KCNH1: variants seen among roughly 807,000 people sequenced by gnomAD.
KCNH1 encodes voltage-gated delayed rectifier potassium channel KCNH1.
Under a neutral mutation model 69.2 loss-of-function variants are expected in KCNH1, and 27 were observed. That is an observed-to-expected ratio of 0.39 (90% confidence interval 0.29 to 0.54). The LOEUF is 0.54. KCNH1 is among the 20% of genes least tolerant of loss of function. KCNH1 has a pLI of 0.68. For missense variants in KCNH1, 798 were observed against 1,261.6 expected (o/e 0.63, Z 5.57); for synonymous variants, 456 against 487.7 (o/e 0.93, Z 0.86).
intron 9 of KCNH1, among the ~76,000 whole-genome samples, chr1:210,776,284 G>A (rs1122901): frequency 0.18 from 26,910 of 151,952 alleles, 2,598 homozygotes; most frequent in African/African-American, 0.25. Flanking sequence ...CTTGCTAAAT[G>A]TCCTCCTGGT....
At chr1:211,075,916 A>C (rs2102461486) in intron 5 of KCNH1, among the ~76,000 whole-genome samples, 1 of 152,358 alleles carries the variant, frequency 6.6e-6, no homozygotes, top group Non-Finnish European at 1.5e-5. Context: ...CAAATAGCAC[A>C]CCAGGAGATT....
At chr1:210,759,182 T>TTA (rs746344046) in intron 10 of KCNH1, among the ~76,000 whole-genome samples, 138 of 104,886 alleles carry the variant, frequency 1.3e-3, no homozygotes, top group African/African-American at 3.5e-3. Context: ...CACACATATT[T>TTA]TATATATATA....
At chr1:210,943,461 G>T (rs537196282) in intron 6 of KCNH1, among the ~76,000 whole-genome samples, 1 of 152,138 alleles carries the variant, frequency 6.6e-6, no homozygotes, top group South Asian at 2.1e-4. Context: ...CCAATCTCCT[G>T]CCTCAGTCTC....
chr1:211,027,339 C>T lies in KCNH1; in HGVS notation c.559-8083G>A, dbSNP rs552917375. ...AGCAAAATGAGGCCAGGCTCAGTGG[C>T]TCATGTCTCTAATCCTAACATTTTG... On this transcript the variant is annotated intron_variant, in intron 5 of 10. Transcript: ENST00000271751. Among the ~76,000 whole-genome samples, 7 of 152,296 alleles carry T rather than the reference C, an allele frequency of 4.6e-5. No individual in the cohort carries two copies. The South Asian group carries it at 1.5e-3, about 32-fold the overall frequency.
intron 7 of KCNH1, among the ~76,000 whole-genome samples, chr1:210,808,892 G>C (rs543641804): frequency 1.3e-5 from 2 of 152,174 alleles, no homozygotes; most frequent in Admixed American, 1.3e-4. Context: ...TAACACCACT[G>C]TCAGGAAACT....
rs187760071 is a variant in KCNH1, at chr1:210,685,356, C to T, written c.2113-1218G>A. On this transcript the variant is annotated intron_variant, in intron 10 of 10. Coordinates refer to ENST00000271751, the MANE Select transcript of KCNH1 (RefSeq NM_172362.3). ...AGGAGAGGCCTGCGGTAAGGGAGAA[C>T]AGCAGCTTTCTCATCATCCAATCTG... is the stretch of plus-strand genomic sequence containing the variant. 3.9e-5 allele frequency among the ~76,000 whole-genome samples: 6 copies of T among 152,272 alleles called. No homozygotes were observed. The East Asian group carries it at 1.2e-3, about 29-fold the overall frequency.
intron 5 of KCNH1, among the ~76,000 whole-genome samples, chr1:211,035,459 G>A (rs952738198): frequency 2.0e-5 from 3 of 150,854 alleles, no homozygotes; most frequent in East Asian, 1.9e-4. Flanking sequence ...CGTTTTAGCC[G>A]GGATGGTCTC....
At chr1:210,965,455 A>G (rs1205221495) in intron 6 of KCNH1, among the ~76,000 whole-genome samples, 1 of 151,856 alleles carries the variant, frequency 6.6e-6, no homozygotes, top group Admixed American at 6.6e-5. Flanking sequence ...TTCTTCACAG[A>G]ATTAGAAAAA....
At chr1:210,843,424 T>G (rs1022955975) in intron 7 of KCNH1, among the ~76,000 whole-genome samples, 3 of 152,194 alleles carry the variant, frequency 2.0e-5, no homozygotes, top group African/African-American at 7.2e-5. Context: ...GCAGGCTATT[T>G]GACAAATGTT....
rs71134652 is a variant in KCNH1, at chr1:211,045,041, GAT to G, written c.559-25787_559-25786del. Among the ~76,000 whole-genome samples, 41 of 81,544 alleles carry G rather than the reference GAT, an allele frequency of 5.0e-4. 1 individual carries two copies. The highest frequency in any genetic ancestry group is 3.0e-3 in the South Asian group (6 of 2,014). 53.5% of individuals were successfully genotyped at this position (81,544 alleles called of 152,430 possible). On this transcript the variant is annotated intron_variant, in intron 5 of 10. Transcript: ENST00000271751. ...ATCAATGTGTGGATAAATTGTGGGG[GAT>G]ATATATATATATATATGAATAATAG...
intron 10 of KCNH1, among the ~76,000 whole-genome samples, chr1:210,693,799 G>T (rs909135616): frequency 6.6e-6 from 1 of 152,136 alleles, no homozygotes; most frequent in Non-Finnish European, 1.5e-5. Flanking sequence ...ACCTGCACTA[G>T]GTCCCTGAGG....
intron 10 of KCNH1, among the ~76,000 whole-genome samples, chr1:210,723,909 A>G (rs376939559): frequency 6.5e-4 from 99 of 152,046 alleles, no homozygotes; most frequent in Non-Finnish European, 1.0e-3. Flanking sequence ...TGAGATGAGC[A>G]CTCCTTATCA....
chr1:210,824,559 G>A (rs1254793846), intron 7 of KCNH1, among the ~76,000 whole-genome samples: 1 of 152,114 alleles, frequency 6.6e-6, no homozygotes, highest in African/African-American at 2.4e-5. Flanking sequence ...ATGACAACTA[G>A]ATTCTTATAC....
chr1:210,882,130 T>C (rs925599246), intron 7 of KCNH1, among the ~76,000 whole-genome samples: 5 of 152,078 alleles, frequency 3.3e-5, no homozygotes, highest in African/African-American at 1.2e-4. Context: ...TGGGTGGGGG[T>C]AAGAGATACA....
At chr1:210,710,455 A>C (rs1209347682) in intron 10 of KCNH1, among the ~76,000 whole-genome samples, 1 of 152,218 alleles carries the variant, frequency 6.6e-6, no homozygotes, top group Non-Finnish European at 1.5e-5. Flanking sequence ...AGAGATGTGC[A>C]TTTAGGCTAC....
Position 210,984,485 on chromosome 1 carries a change from C to G in KCNH1, c.1032+34298G>C, listed in dbSNP as rs933832572. On this transcript the variant is annotated intron_variant, in intron 6 of 10. Coordinates refer to ENST00000271751, the MANE Select transcript of KCNH1 (RefSeq NM_172362.3). Reference sequence around the variant, plus strand: ...TTTATTGAGAGATTTTAGCATGAAGCGTTGTTGAATTTTGTCAAAGGTCTT... The same window carrying G: ...TTTATTGAGAGATTTTAGCATGAAGGGTTGTTGAATTTTGTCAAAGGTCTT... Among the ~76,000 whole-genome samples, 17 of 152,056 alleles carry G rather than the reference C, an allele frequency of 1.1e-4. 2 individuals carry two copies. Among genetic ancestry groups the G allele is most frequent in the Admixed American group, 6.6e-5 (1 of 15,250 alleles).
intron 10 of KCNH1, among the ~76,000 whole-genome samples, chr1:210,704,689 TCTC>T (rs1275273963): frequency 6.6e-6 from 1 of 152,170 alleles, no homozygotes; most frequent in Non-Finnish European, 1.5e-5. Context: ...CAAATGCTAT[TCTC>T]CTTTTGAAGG....
At chr1:211,014,395 T>TCAAACGGCCTCCGAAACAGATTATTAC (rs1324566018) in intron 6 of KCNH1, among the ~76,000 whole-genome samples, 2 of 152,156 alleles carry the variant, frequency 1.3e-5, no homozygotes, top group Non-Finnish European at 2.9e-5. Flanking sequence ...AAACATATTC[T>TCAAACGGCCTCCGAAACAGATTATTAC]CAAACGGCCT....
At chr1:210,835,822 C>T (rs929327284) in intron 7 of KCNH1, among the ~76,000 whole-genome samples, 1 of 151,986 alleles carries the variant, frequency 6.6e-6, no homozygotes, top group African/African-American at 2.4e-5. Flanking sequence ...TCAATGAGAA[C>T]AACTCCTTAT....
Sources: gnomAD v4.1 joint callset for allele counts (sites outside exome capture counted in the v4.1 genomes callset) on GRCh38, gnomAD v4.1.1 for gene constraint, MANE v1.5 for transcripts, NCBI Gene and HGNC (gene_info 2026-07-23, HGNC 2026-07-21) for gene names.